SMC5: variants seen among roughly 807,000 people sequenced by gnomAD.
SMC5 encodes the protein structural maintenance of chromosomes 5.
In SMC5, 88 loss-of-function variants were observed where a neutral mutation model predicts 148.3. The observed-to-expected ratio is 0.59, with a 90% CI of 0.50 to 0.71. SMC5 has a LOEUF of 0.71. SMC5 is among the 30% of genes least tolerant of loss of function. The pLI is 0.00. For synonymous variants in SMC5, 421 were observed against 432.8 expected (o/e 0.97, Z 0.34); for missense variants, 1,142 against 1,298.9 (o/e 0.88, Z 1.86).
intron 8 of SMC5, among the ~76,000 whole-genome samples, chr9:70,295,883 T>C (rs998361258): frequency 2.0e-5 from 3 of 152,212 alleles, no homozygotes; most frequent in Non-Finnish European, 4.4e-5. Context: ...TAGTGATTCT[T>C]AATTATATAT....
intron 8 of SMC5, among the ~76,000 whole-genome samples, chr9:70,292,821 C>T (rs577373714): frequency 1.3e-5 from 2 of 152,194 alleles, no homozygotes; most frequent in African/African-American, 2.4e-5. Context: ...TTTTTGACTA[C>T]CAAATCAATT....
At chr9:70,349,995 CTA>C (rs2036765461) in intron 22 of SMC5, 117 bp from the exon 23 acceptor site, 1 of 529,694 alleles carries the variant, frequency 1.9e-6, no homozygotes, top group Admixed American at 3.7e-5. Flanking sequence ...CATATTTAAA[CTA>C]GTGTCACTAA....
intron 2 of SMC5, among the ~76,000 whole-genome samples, chr9:70,266,185 T>A (rs959770238): frequency 2.0e-5 from 3 of 151,892 alleles, no homozygotes; most frequent in East Asian, 3.8e-4. Flanking sequence ...AAAAAAAAAA[T>A]TAAAAGTTAA....
chr9:70,277,458 C>G lies in SMC5; in HGVS notation c.529C>G (p.Gln177Glu), dbSNP rs554882406. Residue 177 changes from glutamine to glutamate, a missense_variant, in exon 4 of 25, where the codon CAG (glutamine) becomes GAG (glutamate). Transcript: ENST00000361138. ...AAATATTCAAGTGGGGAATCTTTGCCAGTTTCTCCCTCAGGTATGAGAGAA... is the reference window on the plus strand; with the variant it reads ...AAATATTCAAGTGGGGAATCTTTGCGAGTTTCTCCCTCAGGTATGAGAGAA... ...ALNIQVGNLCQFLPQDKVGEF... is the reference protein window; with the variant it reads ...ALNIQVGNLCEFLPQDKVGEF... 5.0e-6 allele frequency: 8 copies of G among 1,588,024 alleles called. No individual in the cohort carries two copies. The African/African-American group carries it at 9.6e-5, about 19-fold the overall frequency.
At chr9:70,311,656 A>T (rs943789793) in intron 11 of SMC5, 1 of 151,758 alleles carries the variant, frequency 6.6e-6, no homozygotes, top group Admixed American at 6.6e-5. Context: ...AACTTTAATG[A>T]CACTATGTTA....
chr9:70,327,614 A>G (rs919666502), intron 17 of SMC5, among the ~76,000 whole-genome samples: 1 of 152,336 alleles, frequency 6.6e-6, no homozygotes, highest in Non-Finnish European at 1.5e-5. Flanking sequence ...ATTTATCCTG[A>G]AAATAACAAA....
chr9:70,317,569 A>T lies in SMC5; in HGVS notation c.1807-945A>T, dbSNP rs189449011. ...AAATATGTCTTACTTCTTCACTTAGACTATAAACTTCTGGAAGGAAACAAG... is the reference window on the plus strand; with the variant it reads ...AAATATGTCTTACTTCTTCACTTAGTCTATAAACTTCTGGAAGGAAACAAG... On this transcript the variant is annotated intron_variant, in intron 13 of 24. Coordinates refer to ENST00000361138, the MANE Select transcript of SMC5 (RefSeq NM_015110.4). Among the ~76,000 whole-genome samples, 397 of 152,240 alleles carry T rather than the reference A, an allele frequency of 2.6e-3. 3 individuals carry two copies. The highest frequency in any genetic ancestry group is 3.6e-3 in the Non-Finnish European group (244 of 68,016).
Position 70,280,842 on chromosome 9 carries a change from T to C in SMC5, c.762T>C (p.Tyr254=), listed in dbSNP as rs2034731699. 1 of 1,613,946 alleles carries C rather than the reference T, an allele frequency of 6.2e-7. No homozygotes were observed. Among genetic ancestry groups the C allele is most frequent in the Admixed American group, 1.7e-5 (1 of 60,006 alleles). The change falls in exon 6 of 25, where the codon TAT becomes TAC. Residue 254 remains tyrosine, a synonymous_variant. Transcript: ENST00000361138. The stretch of plus-strand genomic sequence containing the variant: ...ATAAACAAGATGTGGAGAGGTTCTA[T>C]GAACGGAAGCGACATTTAGATTTAA... ...ERYKQDVERF[Y]ERKRHLDLIE... is the part of the protein sequence containing the mutation.
intron 17 of SMC5, among the ~76,000 whole-genome samples, chr9:70,333,697 C>T (rs2036283411): frequency 6.6e-6 from 1 of 152,076 alleles, no homozygotes; most frequent in Non-Finnish European, 1.5e-5. Flanking sequence ...TGTCACTGCA[C>T]TCCAGCCTGG....
At chr9:70,259,961 A>G (rs2034055038) in intron 1 of SMC5, among the ~76,000 whole-genome samples, 2 of 138,526 alleles carry the variant, frequency 1.4e-5, no homozygotes, top group South Asian at 4.6e-4. Flanking sequence ...TTTTTTTGAG[A>G]CGGAGTTGCG....
intron 17 of SMC5, among the ~76,000 whole-genome samples, chr9:70,341,598 C>A (rs2871293): frequency 0.22 from 32,716 of 152,120 alleles, 3,659 homozygotes; most frequent in South Asian, 0.28. Context: ...GGTCCAGTAT[C>A]TATCCTTTCA....
chr9:70,300,262 T>A, intron 10 of SMC5, 62 bp downstream of exon 10: 1 of 1,483,206 alleles, frequency 6.7e-7, no homozygotes, highest in South Asian at 1.3e-5. Flanking sequence ...GATTTTTGTT[T>A]TAAGACATTT....
chr9:70,351,372 G>GCT (rs1280146248), intron 24 of SMC5, among the ~76,000 whole-genome samples: 2 of 150,930 alleles, frequency 1.3e-5, no homozygotes, highest in East Asian at 3.9e-4. Context: ...AAAAAAAATT[G>GCT]TTTTTGCCCA....
chr9:70,261,950 A>G (rs1309598013), intron 1 of SMC5, among the ~76,000 whole-genome samples: 1 of 152,248 alleles, frequency 6.6e-6, no homozygotes, highest in Non-Finnish European at 1.5e-5. Flanking sequence ...TTGACCTTTT[A>G]ATGAAGCAGT....
At chr9:70,300,576 AAG>A (rs1309660305) in intron 10 of SMC5, among the ~76,000 whole-genome samples, 2 of 152,150 alleles carry the variant, frequency 1.3e-5, no homozygotes, top group Non-Finnish European at 2.9e-5. Flanking sequence ...GAAAAAAACT[AAG>A]AGAATAGGCA....
chr9:70,299,906 A>G (rs1398616508), intron 9 of SMC5, 140 bp from the exon 10 acceptor site: 4 of 585,710 alleles, frequency 6.8e-6, no homozygotes, highest in Non-Finnish European at 1.1e-5. Flanking sequence ...TTCAGGTCAC[A>G]TATTTTCCAC....
At chr9:70,312,350 C>T (rs566712775) in intron 11 of SMC5, among the ~76,000 whole-genome samples, 18 of 152,194 alleles carry the variant, frequency 1.2e-4, no homozygotes, top group African/African-American at 4.3e-4. Context: ...TGAGAACTCA[C>T]TATCACGAAA....
intron 17 of SMC5, among the ~76,000 whole-genome samples, chr9:70,328,744 C>T (rs2118693604): frequency 6.6e-6 from 1 of 152,352 alleles, no homozygotes; most frequent in South Asian, 2.1e-4. Context: ...AGTGGGGACT[C>T]TGTGTAGGGC....
Position 70,282,478 on chromosome 9 carries a change from G to A in SMC5, c.876G>A (p.Val292=). 2.5e-6 allele frequency: 4 copies of A among 1,607,652 alleles called. No individual in the cohort carries two copies. Among genetic ancestry groups the A allele is most frequent in the Non-Finnish European group, 3.4e-6 (4 of 1,178,060 alleles). The change falls in exon 7 of 25, where the codon GTG becomes GTA. Residue 292 remains valine (V), a synonymous_variant. Transcript: ENST00000361138. ...AAGTAAAACTAGTTCGTGACCGAGT[G>A]AAGGAAGAGGTCAGAAAACTTAAAG... ...YEEVKLVRDR[V]KEEVRKLKEG...
Sources: allele counts gnomAD v4.1 joint callset (sites outside exome capture counted in the v4.1 genomes callset), GRCh38; gene constraint gnomAD v4.1.1; transcripts MANE v1.5; gene names NCBI Gene and HGNC (gene_info 2026-07-23, HGNC 2026-07-21).